PDE1C: variants seen among roughly 807,000 people sequenced by gnomAD.
PDE1C encodes the protein phosphodiesterase 1C, also known as dual specificity calcium/calmodulin-dependent 3',5'-cyclic nucleotide phosphodiesterase 1C.
PDE1C carries 62 observed loss-of-function variants against 93.1 expected under a neutral mutation model. The ratio of observed to expected loss-of-function variants is 0.67; its 90% CI spans 0.54 to 0.82. The LOEUF is 0.82. PDE1C is among the 40% of genes least tolerant of loss of function. The probability of loss-of-function intolerance (pLI) is 0.00; values close to 1 mark genes in which losing one functional copy is unlikely to be tolerated. For synonymous variants in PDE1C, 325 were observed against 310.1 expected (o/e 1.05, Z -0.50); for missense variants, 742 against 884.6 (o/e 0.84, Z 2.04).
intron 2 of PDE1C, among the ~76,000 whole-genome samples, chr7:31,919,630 C>G (rs918935240): frequency 3.3e-5 from 5 of 152,028 alleles, no homozygotes; most frequent in African/African-American, 1.2e-4. Context: ...CAAACCAACA[C>G]GTAAAAAGAA....
At chr7:31,816,235 A>C (rs1367166289) in intron 14 of PDE1C, 81 bp from the exon 15 acceptor site, 1 of 1,274,430 alleles carries the variant, frequency 7.8e-7, no homozygotes, top group African/African-American at 1.5e-5. Context: ...GTTTTAGTAC[A>C]CAAAGAGTAT....
intron 9 of PDE1C, among the ~76,000 whole-genome samples, chr7:31,843,166 A>G (rs1478797702): frequency 6.6e-6 from 1 of 151,986 alleles, no homozygotes; most frequent in Non-Finnish European, 1.5e-5. Flanking sequence ...TGAAAAGAAT[A>G]TGTATATTGC....
intron 1 of PDE1C, among the ~76,000 whole-genome samples, chr7:32,389,227 T>TTTGC (rs1292838458): frequency 6.6e-6 from 1 of 151,416 alleles, no homozygotes; most frequent in Non-Finnish European, 1.5e-5. Flanking sequence ...TGTTTGTTTG[T>TTTGC]TTGTTTGTTA....
chr7:31,796,566 G>C (rs866984871), intron 16 of PDE1C, among the ~76,000 whole-genome samples: 1 of 151,730 alleles, frequency 6.6e-6, no homozygotes, highest in African/African-American at 2.4e-5. Flanking sequence ...CTATGACTCA[G>C]ATGAAATGCT....
Position 31,898,758 on chromosome 7 carries a change from C to T in PDE1C, c.129-17898G>A, listed in dbSNP as rs1158554333. Among the ~76,000 whole-genome samples, 12 of 152,244 alleles carry T rather than the reference C, an allele frequency of 7.9e-5. No homozygotes were observed. In the East Asian group the frequency reaches 1.2e-3, roughly 15 times the overall value. ...CTCTTTTTCTCCAGCAGAACGTGAG[C>T]GTGGCTACCTCTCCCAGTAATCACA... is the stretch of plus-strand genomic sequence containing the variant. On this transcript the variant is annotated intron_variant, in intron 2 of 17. Coordinates refer to ENST00000396191, the MANE Select transcript of PDE1C (RefSeq NM_001191057.4).
intron 16 of PDE1C, among the ~76,000 whole-genome samples, chr7:31,782,367 G>A (rs1049598621): frequency 6.6e-6 from 1 of 152,094 alleles, no homozygotes; most frequent in African/African-American, 2.4e-5. Context: ...TGTTGGATGG[G>A]GTATTACAAG....
intron 1 of PDE1C, among the ~76,000 whole-genome samples, chr7:32,275,850 T>G (rs1585064704): frequency 6.6e-6 from 1 of 152,310 alleles, no homozygotes; most frequent in African/African-American, 2.4e-5. Context: ...ACTGAATGTC[T>G]AAGACAAGAT....
At chr7:31,668,457 A>G in the PDE1C span, among the ~76,000 whole-genome samples, 1 of 151,508 alleles carries the variant, frequency 6.6e-6, no homozygotes, top group Admixed American at 6.6e-5. Flanking sequence ...GATAAACAAG[A>G]TGCAGTCTAT....
chr7:31,900,087 C>T (rs949635036), intron 2 of PDE1C, among the ~76,000 whole-genome samples: 2 of 152,096 alleles, frequency 1.3e-5, no homozygotes, highest in African/African-American at 4.8e-5. Flanking sequence ...AGAGCAATAC[C>T]ATTGGCTAAA....
the PDE1C span, among the ~76,000 whole-genome samples, chr7:31,666,343 A>G: frequency 1.3e-5 from 2 of 152,220 alleles, no homozygotes; most frequent in African/African-American, 4.8e-5. Flanking sequence ...CACTCATCAT[A>G]TAAGCAAACC....
intron 3 of PDE1C, among the ~76,000 whole-genome samples, chr7:32,122,658 G>T (rs2128765212): frequency 6.6e-6 from 1 of 152,306 alleles, no homozygotes; most frequent in East Asian, 1.9e-4. Context: ...GAAGTTCTTT[G>T]AAACCAATGA....
chr7:32,174,864 A>T (rs115092169), intron 2 of PDE1C, among the ~76,000 whole-genome samples: 3,213 of 152,280 alleles, frequency 0.021, 112 homozygotes, highest in African/African-American at 0.073. Flanking sequence ...CATGCATTTA[A>T]CTGTGGGTGA....
chr7:32,381,760 A>G (rs1231536561), intron 1 of PDE1C, among the ~76,000 whole-genome samples: 1 of 152,054 alleles, frequency 6.6e-6, no homozygotes, highest in East Asian at 1.9e-4. Context: ...CTTACATATT[A>G]TCCTTGAAAG....
intron 2 of PDE1C, among the ~76,000 whole-genome samples, chr7:31,887,315 AC>A (rs1798077613): frequency 6.6e-6 from 1 of 152,228 alleles, no homozygotes; most frequent in Non-Finnish European, 1.5e-5. Flanking sequence ...AAAAATTATG[AC>A]TGGCAAGAAT....
At chr7:31,677,509 C>T in the PDE1C span, among the ~76,000 whole-genome samples, 2 of 152,130 alleles carry the variant, frequency 1.3e-5, no homozygotes, top group Non-Finnish European at 2.9e-5. Context: ...AGTCTTTGAA[C>T]ATAATTCATC....
At chr7:32,152,240 C>T (rs1453621622) in intron 3 of PDE1C, among the ~76,000 whole-genome samples, 1 of 152,158 alleles carries the variant, frequency 6.6e-6, no homozygotes, top group Non-Finnish European at 1.5e-5. Context: ...TCACCCTCCG[C>T]TCTGCTGCTG....
At chr7:31,822,508 A>G (rs1789097773) in intron 14 of PDE1C, among the ~76,000 whole-genome samples, 1 of 152,168 alleles carries the variant, frequency 6.6e-6, no homozygotes, top group South Asian at 2.1e-4. Context: ...AAGGGCCACA[A>G]CTTTTAGTTT....
At chr7:31,958,480 G>A (rs553001941) in intron 2 of PDE1C, among the ~76,000 whole-genome samples, 1 of 152,254 alleles carries the variant, frequency 6.6e-6, no homozygotes, top group South Asian at 2.1e-4. Context: ...TTGCAAAGCT[G>A]CCTTTTGCAA....
chr7:31,847,967 C>G lies in PDE1C; in HGVS notation c.980+1G>C. On this transcript the variant is annotated splice_donor_variant, in intron 9 of 17. Transcript: ENST00000396191. LOFTEE classifies it high-confidence loss of function. ...AAATCTCTCTCTTTTCTCATCCTTA[C>G]CTCCAGTCATCCTTTGAGAGGTTAA... The G allele has an allele frequency of 6.2e-7, 1 of 1,612,382 alleles. No individual in the cohort carries two copies. The highest frequency in any genetic ancestry group is 1.1e-5 in the South Asian group (1 of 91,060).
Sources: allele counts gnomAD v4.1 joint callset (sites outside exome capture counted in the v4.1 genomes callset), GRCh38; gene constraint gnomAD v4.1.1; transcripts MANE v1.5; gene names NCBI Gene and HGNC (gene_info 2026-07-23, HGNC 2026-07-21).